The following UBE2E3 variants were observed in gnomAD, a reference collection of about 807,000 sequenced individuals.
UBE2E3 encodes ubiquitin-conjugating enzyme E2 E3.
UBE2E3 carries 5 observed loss-of-function variants against 23.6 expected under a neutral mutation model. The observed-to-expected ratio is 0.21, with a 90% CI of 0.11 to 0.44. UBE2E3 has a LOEUF of 0.44. UBE2E3 is among the 20% of genes least tolerant of loss of function. The pLI is 0.99. For synonymous variants in UBE2E3, 78 were observed against 87.5 expected (o/e 0.89, Z 0.60); for missense variants, 81 against 249.8 (o/e 0.32, Z 4.55).
intron 3 of UBE2E3, among the ~76,000 whole-genome samples, chr2:181,015,095 A>AT (rs886532313): frequency 2.6e-5 from 4 of 152,020 alleles, no homozygotes; most frequent in Admixed American, 1.3e-4. Flanking sequence ...CTTAATTAAT[A>AT]TTTTTTTCCC....
At chr2:181,062,352 T>A (rs1687183399) in intron 5 of UBE2E3, among the ~76,000 whole-genome samples, 2 of 151,778 alleles carry the variant, frequency 1.3e-5, no homozygotes, top group South Asian at 4.1e-4. Context: ...GTGATTAGAG[T>A]CATATCAGGC....
intron 3 of UBE2E3, among the ~76,000 whole-genome samples, chr2:181,003,730 C>T (rs985660799): frequency 4.6e-5 from 7 of 152,080 alleles, no homozygotes; most frequent in African/African-American, 9.7e-5. Context: ...TTTTTATTGC[C>T]GTTTACTTTT....
intron 3 of UBE2E3, among the ~76,000 whole-genome samples, chr2:181,045,012 C>T (rs1178253902): frequency 1.3e-5 from 2 of 152,134 alleles, no homozygotes; most frequent in African/African-American, 4.8e-5. Context: ...ATTTTACCTT[C>T]CTCTAGTAGT....
chr2:180,990,470 C>G (rs772202793), intron 3 of UBE2E3, among the ~76,000 whole-genome samples: 13 of 152,190 alleles, frequency 8.5e-5, no homozygotes, highest in Non-Finnish European at 1.9e-4. Context: ...AATATATTCA[C>G]CTACACCTTC....
intron 3 of UBE2E3, among the ~76,000 whole-genome samples, chr2:181,049,632 A>AG (rs1422373526): frequency 8.5e-5 from 13 of 152,070 alleles, no homozygotes; most frequent in Admixed American, 8.5e-4. Flanking sequence ...ATAGTTTTGA[A>AG]GAAAGACTAT....
intron 3 of UBE2E3, among the ~76,000 whole-genome samples, chr2:181,008,310 A>G (rs1469972616): frequency 6.6e-6 from 1 of 152,244 alleles, no homozygotes; most frequent in African/African-American, 2.4e-5. Flanking sequence ...AAGCAGCCTT[A>G]TGAATGTTAT....
chr2:181,058,477 G>A (rs1687045668), intron 4 of UBE2E3, among the ~76,000 whole-genome samples: 1 of 151,638 alleles, frequency 6.6e-6, no homozygotes. Flanking sequence ...TTACTTGAAT[G>A]GCTCCCTCCG....
At chr2:181,027,333 A>G (rs147909576) in intron 3 of UBE2E3, among the ~76,000 whole-genome samples, 98 of 152,030 alleles carry the variant, frequency 6.4e-4, no homozygotes, top group African/African-American at 2.2e-3. Flanking sequence ...TTTTCTGTAT[A>G]AGAGACTTGG....
At chr2:181,025,011 T>G (rs988215686) in intron 3 of UBE2E3, among the ~76,000 whole-genome samples, 6 of 152,020 alleles carry the variant, frequency 3.9e-5, no homozygotes, top group African/African-American at 1.4e-4. Context: ...AAAAAGTTGT[T>G]AATAAAGGTT....
chr2:181,046,421 G>C (rs1686675707), intron 3 of UBE2E3, among the ~76,000 whole-genome samples: 1 of 152,154 alleles, frequency 6.6e-6, no homozygotes, highest in Admixed American at 6.6e-5. Context: ...GGTGCTGTTA[G>C]AGTCTGTGTT....
chr2:181,022,946 G>A (rs1303932142), intron 3 of UBE2E3, among the ~76,000 whole-genome samples: 7 of 152,140 alleles, frequency 4.6e-5, no homozygotes, highest in Admixed American at 4.6e-4. Flanking sequence ...AAGCACTACT[G>A]GAAGTCAAAA....
At chr2:181,044,135 C>T (rs180876122) in intron 3 of UBE2E3, among the ~76,000 whole-genome samples, 1 of 152,156 alleles carries the variant, frequency 6.6e-6, no homozygotes, top group Non-Finnish European at 1.5e-5. Flanking sequence ...AACTGTCCCT[C>T]CACATTTTTC....
intron 3 of UBE2E3, among the ~76,000 whole-genome samples, chr2:181,010,219 C>G (rs538865996): frequency 2.0e-5 from 3 of 152,204 alleles, no homozygotes; most frequent in Non-Finnish European, 2.9e-5. Flanking sequence ...TTGTGGTTCT[C>G]TATAGTTCTT....
chr2:181,032,657 CA>C (rs1686119817), intron 3 of UBE2E3, among the ~76,000 whole-genome samples: 1 of 152,074 alleles, frequency 6.6e-6, no homozygotes, highest in Non-Finnish European at 1.5e-5. Context: ...CTCTTTGAAA[CA>C]CTGTAATTTG....
At chr2:181,047,482 TCCAAAA>T (rs1559134367) in intron 3 of UBE2E3, among the ~76,000 whole-genome samples, 1 of 152,144 alleles carries the variant, frequency 6.6e-6, no homozygotes, top group Non-Finnish European at 1.5e-5. Flanking sequence ...TCCCAGTGTA[TCCAAAA>T]CCAACTTTTT....
At chr2:181,008,906 C>CTT (rs3060037) in intron 3 of UBE2E3, among the ~76,000 whole-genome samples, 6 of 142,340 alleles carry the variant, frequency 4.2e-5, no homozygotes, top group African/African-American at 1.3e-4. Flanking sequence ...GCAGTATGTG[C>CTT]TTTTTTTTTT....
intron 3 of UBE2E3, among the ~76,000 whole-genome samples, 173 bp from the exon 4 acceptor site, chr2:181,057,520 G>A (rs1559137188): frequency 6.6e-6 from 1 of 151,744 alleles, no homozygotes; most frequent in Non-Finnish European, 1.5e-5. Context: ...ATATTTCCAA[G>A]TAAGTTCATA....
chr2:181,057,860 T>C (rs766732343), intron 4 of UBE2E3, 35 bp downstream of exon 4: 14 of 1,597,654 alleles, frequency 8.8e-6, no homozygotes, highest in Middle Eastern at 1.7e-4. Flanking sequence ...TAGTATTTAA[T>C]CCTTCTCCTC....
intron 3 of UBE2E3, among the ~76,000 whole-genome samples, chr2:180,993,239 A>G (rs1003223262): frequency 6.6e-6 from 1 of 152,228 alleles, no homozygotes; most frequent in African/African-American, 2.4e-5. Flanking sequence ...TAAAAATCCC[A>G]GTTCCTTCTT....
Sources: allele counts gnomAD v4.1 joint callset (sites outside exome capture counted in the v4.1 genomes callset), GRCh38; gene constraint gnomAD v4.1.1; transcripts MANE v1.5; gene names NCBI Gene and HGNC (gene_info 2026-07-23, HGNC 2026-07-21).